The following RBM47 variants were observed in gnomAD, a reference collection of about 807,000 sequenced individuals.
RBM47 encodes the protein RNA-binding protein 47.
In RBM47, 21 loss-of-function variants were observed where a neutral mutation model predicts 47.1. The observed-to-expected ratio is 0.45, with a 90% CI of 0.32 to 0.64. The LOEUF (loss-of-function observed/expected upper bound fraction) is 0.64. RBM47 is among the 30% of genes least tolerant of loss of function. The pLI is 0.05. For missense variants in RBM47, 708 were observed against 870.9 expected (o/e 0.81, Z 2.35); for synonymous variants, 375 against 361.7 (o/e 1.04, Z -0.42).
chr4:40,510,945 T>C lies in RBM47; in HGVS notation c.-155+33477A>G, dbSNP rs61349967. On this transcript the variant is annotated intron_variant, in intron 2 of 6. Transcript: ENST00000295971. ...AGTCAACAGGCACTGAGTGAGGTAC[T>C]AATAGAATTTATGGCATTAATTTTG... Among the ~76,000 whole-genome samples, 866 of 152,300 alleles carry C rather than the reference T, an allele frequency of 5.7e-3. 6 individuals carry two copies. The highest frequency in any genetic ancestry group is 0.02 in the African/African-American group (837 of 41,576).
At chr4:40,597,580 T>C (rs931512745) in intron 1 of RBM47, among the ~76,000 whole-genome samples, 3 of 152,226 alleles carry the variant, frequency 2.0e-5, no homozygotes, top group Non-Finnish European at 4.4e-5. Flanking sequence ...AGACTCCATC[T>C]CAAATAAATA....
intron 1 of RBM47, among the ~76,000 whole-genome samples, chr4:40,560,604 G>A (rs79664180): frequency 0.019 from 2,844 of 152,290 alleles, 98 homozygotes; most frequent in African/African-American, 0.065. Context: ...TCATACATTC[G>A]AAGTTTTCAT....
chr4:40,522,554 G>A (rs1726299414), intron 2 of RBM47, among the ~76,000 whole-genome samples: 1 of 152,056 alleles, frequency 6.6e-6, no homozygotes, highest in Non-Finnish European at 1.5e-5. Flanking sequence ...TAGAGTTTGG[G>A]TTTAGTATCA....
intron 2 of RBM47, among the ~76,000 whole-genome samples, chr4:40,510,722 C>T (rs1298255127): frequency 1.3e-5 from 2 of 152,042 alleles, no homozygotes; most frequent in Admixed American, 6.6e-5. Context: ...AAGAAAGAGT[C>T]GTGATTTATT....
At chr4:40,523,863 C>CAAAA (rs34640118) in intron 2 of RBM47, among the ~76,000 whole-genome samples, 16,881 of 132,776 alleles carry the variant, frequency 0.13, 1,124 homozygotes, top group East Asian at 0.21. Flanking sequence ...AGCCCTGTCT[C>CAAAA]AAAAAAAAAA....
At chr4:40,505,232 T>C (rs892126272) in intron 2 of RBM47, among the ~76,000 whole-genome samples, 7 of 152,182 alleles carry the variant, frequency 4.6e-5, no homozygotes, top group African/African-American at 1.7e-4. Flanking sequence ...CTCACGTCTG[T>C]AATCCCAGCA....
Position 40,442,197 on chromosome 4 carries a change from A to G in RBM47, c.-31-3273T>C, listed in dbSNP as rs940101754. Among the ~76,000 whole-genome samples the G allele has an allele frequency of 3.9e-5, 6 of 152,346 alleles. No individual in the cohort carries two copies. The East Asian group carries it at 1.2e-3, about 29-fold the overall frequency. ...AATTTTGGAGGAGACGAATCAATGC[A>G]TACATACATGCATATATATCTAATT... On this transcript the variant is annotated intron_variant, in intron 3 of 6. Transcript: ENST00000295971.
intron 3 of RBM47, among the ~76,000 whole-genome samples, chr4:40,445,690 A>G (rs1714438388): frequency 6.6e-6 from 1 of 152,216 alleles, no homozygotes; most frequent in Non-Finnish European, 1.5e-5. Context: ...ATACACCTCA[A>G]CATTGTTAAC....
intron 2 of RBM47, among the ~76,000 whole-genome samples, chr4:40,510,948 T>C (rs1314366451): frequency 1.3e-5 from 2 of 152,182 alleles, no homozygotes; most frequent in East Asian, 1.9e-4. Context: ...GAGGTACTAA[T>C]AGAATTTATG....
intron 1 of RBM47, among the ~76,000 whole-genome samples, chr4:40,568,569 CA>C (rs57434586): frequency 6.8e-6 from 1 of 148,020 alleles, no homozygotes; most frequent in Non-Finnish European, 1.5e-5. Flanking sequence ...AGCAAACGAA[CA>C]AAAAAATAGG....
At chr4:40,548,399 T>G (rs1180141007) in intron 1 of RBM47, among the ~76,000 whole-genome samples, 1 of 152,138 alleles carries the variant, frequency 6.6e-6, no homozygotes, top group Non-Finnish European at 1.5e-5. Context: ...CACATTTGAT[T>G]GCCGAGGGAG....
chr4:40,562,638 G>C (rs949735812), intron 1 of RBM47, among the ~76,000 whole-genome samples: 3 of 151,844 alleles, frequency 2.0e-5, no homozygotes, highest in African/African-American at 7.3e-5. Context: ...GCTAATTTTT[G>C]TATTTTTAGT....
At chr4:40,583,696 A>T (rs1217043138) in intron 1 of RBM47, among the ~76,000 whole-genome samples, 1 of 151,272 alleles carries the variant, frequency 6.6e-6, no homozygotes, top group Non-Finnish European at 1.5e-5. Context: ...GTCTCTACTA[A>T]AAATACAAAA....
Position 40,544,483 on chromosome 4 carries a change from T to C in RBM47, c.-216A>G, listed in dbSNP as rs425786. On this transcript the variant is annotated 5_prime_UTR_variant, in exon 2 of 7. Transcript: ENST00000295971. ...GCTGGGTGACCTGACGCAGAGTCTC[T>C]TTCCAAGGCCTCCGTTACCTGAGCT... The C allele has an allele frequency of 0.56, 85,158 of 152,024 alleles. 26,387 individuals carry two copies. The highest frequency in any genetic ancestry group is 0.84 in the African/African-American group (34,951 of 41,492). 9.4% of individuals were successfully genotyped at this position (152,024 alleles called of 1,614,324 possible). A position where few individuals can be genotyped will look rare whatever the true frequency, so the allele number is the denominator to read the frequency against.
At chr4:40,572,474 G>A (rs1731824680) in intron 1 of RBM47, among the ~76,000 whole-genome samples, 1 of 151,956 alleles carries the variant, frequency 6.6e-6, no homozygotes. Context: ...TCTACTTTTT[G>A]TGGAAAAGGA....
At chr4:40,534,546 T>C (rs1727731027) in intron 2 of RBM47, among the ~76,000 whole-genome samples, 1 of 152,184 alleles carries the variant, frequency 6.6e-6, no homozygotes, top group African/African-American at 2.4e-5. Flanking sequence ...TTCACTGAAC[T>C]GTGAGTTAGC....
intron 1 of RBM47, among the ~76,000 whole-genome samples, chr4:40,573,207 C>T (rs1731912024): frequency 6.8e-6 from 1 of 147,200 alleles, no homozygotes; most frequent in Admixed American, 6.8e-5. Flanking sequence ...TAGTTGAGAA[C>T]TGAAGAAGAG....
At chr4:40,472,620 A>T (rs1719079195) in intron 2 of RBM47, among the ~76,000 whole-genome samples, 1 of 151,948 alleles carries the variant, frequency 6.6e-6, no homozygotes, top group Admixed American at 6.6e-5. Flanking sequence ...ATTCCATAGG[A>T]CTAAAATGAA....
intron 6 of RBM47, 48 bp from the exon 7 acceptor site, chr4:40,426,191 C>T: frequency 5.1e-6 from 8 of 1,574,182 alleles, no homozygotes; most frequent in Non-Finnish European, 6.9e-6. Flanking sequence ...GTGTATGTAC[C>T]TATCATCCAT....
Sources: gnomAD v4.1 joint callset for allele counts (sites outside exome capture counted in the v4.1 genomes callset) on GRCh38, gnomAD v4.1.1 for gene constraint, MANE v1.5 for transcripts, NCBI Gene and HGNC (gene_info 2026-07-23, HGNC 2026-07-21) for gene names.